CDK13: variants seen among roughly 807,000 people sequenced by gnomAD.
CDK13 encodes cyclin dependent kinase 13, also known as cyclin-dependent kinase 13.
A neutral mutation model predicts 137.6 loss-of-function variants in CDK13; 40 were observed. The ratio of observed to expected loss-of-function variants is 0.29; its 90% CI spans 0.23 to 0.38. The LOEUF is 0.38. Ranked by LOEUF, CDK13 falls within the 10% of genes least tolerant of loss-of-function variation. The probability of loss-of-function intolerance (pLI) is 1.00; values close to 1 mark genes in which losing one functional copy is unlikely to be tolerated. For missense variants in CDK13, 1,704 were observed against 1,951.8 expected, an observed-to-expected ratio of 0.87 and a Z score of 2.39; for synonymous variants, 869 against 760.1, an observed-to-expected ratio of 1.14 and a Z score of -2.36.
chr7:39,953,791 A>G (rs1343020750), intron 1 of CDK13, among the ~76,000 whole-genome samples: 1 of 152,154 alleles, frequency 6.6e-6, no homozygotes, highest in East Asian at 1.9e-4. Flanking sequence ...AACATTGCTG[A>G]CAGATGGCCA....
intron 12 of CDK13, among the ~76,000 whole-genome samples, chr7:40,090,113 A>G (rs749432280): frequency 6.6e-6 from 1 of 152,216 alleles, no homozygotes; most frequent in East Asian, 1.9e-4. Context: ...TGGCAATAAC[A>G]GAAATTTTGG....
rs1396835854 is a variant in CDK13 at position 40,099,194 on chromosome 7, T to A, written c.*4214T>A. 2 of 152,058 alleles carry A rather than the reference T, an allele frequency of 1.3e-5. No individual in the cohort carries two copies. The highest frequency in any genetic ancestry group is 2.9e-5 in the Non-Finnish European group (2 of 68,000). 9.4% of individuals were successfully genotyped at this position (152,058 alleles called of 1,614,324 possible). A position where few individuals can be genotyped will look rare whatever the true frequency, so the allele number is the denominator to read the frequency against. On this transcript the variant is annotated 3_prime_UTR_variant, in exon 14 of 14. Transcript: ENST00000181839. ...TTTCTTAAATGTTTCTACTTAAAAA[T>A]AAAAGCTATTAATAATAAGCTGTCA...
rs567872441 is a variant in CDK13, at chr7:39,973,272, G to C, written c.1212-14327G>C. 2.2e-3 allele frequency among the ~76,000 whole-genome samples: 337 copies of C among 152,040 alleles called. 2 individuals are homozygous for C. The highest frequency in any genetic ancestry group is 0.014 in the Middle Eastern group (4 of 294). On this transcript the variant is annotated intron_variant, in intron 1 of 13. Transcript: ENST00000181839. ...CTATCTTAGCCTCCTGAGCAGCTGG[G>C]ACCACAGGTACACGCCACCACACCT...
At chr7:40,021,479 G>A (rs561578066) in intron 5 of CDK13, among the ~76,000 whole-genome samples, 1 of 104,574 alleles carries the variant, frequency 9.6e-6, no homozygotes, top group Non-Finnish European at 1.9e-5. Flanking sequence ...CTGGGTGATA[G>A]AGACTGTCTC....
At chr7:40,013,882 G>T (rs1349302176) in intron 5 of CDK13, among the ~76,000 whole-genome samples, 2 of 152,046 alleles carry the variant, frequency 1.3e-5, no homozygotes, top group Non-Finnish European at 2.9e-5. Context: ...GGGTGTCTCT[G>T]TTATAAAAGA....
At chr7:40,008,622 C>T (rs1474514767) in intron 5 of CDK13, among the ~76,000 whole-genome samples, 1 of 152,160 alleles carries the variant, frequency 6.6e-6, no homozygotes, top group African/African-American at 2.4e-5. Context: ...GGAACCTACC[C>T]AATAAGTCAG....
chr7:39,965,286 T>G (rs2116156542), intron 1 of CDK13, among the ~76,000 whole-genome samples: 1 of 152,346 alleles, frequency 6.6e-6, no homozygotes, highest in South Asian at 2.1e-4. Context: ...AGGACTTGCT[T>G]TATAAATCTG....
Position 39,950,345 on chromosome 7 carries a change from A to T in CDK13, c.-297A>T. 1.7e-6 allele frequency: 2 copies of T among 1,166,792 alleles called. No homozygotes were observed. Among genetic ancestry groups the T allele is most frequent in the Non-Finnish European group, 2.1e-6 (2 of 946,750 alleles). The allele number at this position is 1,166,792 out of a possible 1,614,324, so 72.3% of individuals were successfully genotyped here. A position where few individuals can be genotyped will look rare whatever the true frequency, so the allele number is the denominator to read the frequency against. ...CTTGGAGGACTCGGGACTCCCCCGC[A>T]GGTCAGCGCCCGGCGCATCTGGTGT... On this transcript the variant is annotated 5_prime_UTR_variant, in exon 1 of 14. Coordinates refer to ENST00000181839, the MANE Select transcript of CDK13 (RefSeq NM_003718.5).
At position 40,097,266 on chromosome 7, in the gene CDK13, C is replaced by T. The variant is rs374296058; in HGVS notation, c.*2286C>T. On this transcript the variant is annotated 3_prime_UTR_variant, in exon 14 of 14. Coordinates refer to ENST00000181839, the MANE Select transcript of CDK13 (RefSeq NM_003718.5). ...TAGAACTTCTAATATTATCCTTACACAGCACTACTGTGAGACATACTAGTC... is the reference window on the plus strand; with the variant it reads ...TAGAACTTCTAATATTATCCTTACATAGCACTACTGTGAGACATACTAGTC... 2.4e-3 allele frequency: 370 copies of T among 152,124 alleles called. No homozygotes were observed. The highest frequency in any genetic ancestry group is 8.5e-3 in the African/African-American group (354 of 41,508). The allele number at this position is 152,124 out of a possible 1,614,324, so 9.4% of individuals were successfully genotyped here. A position where few individuals can be genotyped will look rare whatever the true frequency, so the allele number is the denominator to read the frequency against.
chr7:39,960,007 G>A (rs1013340293), intron 1 of CDK13, among the ~76,000 whole-genome samples: 1 of 151,586 alleles, frequency 6.6e-6, no homozygotes, highest in African/African-American at 2.4e-5. Flanking sequence ...CAGGTACCTA[G>A]TGTCAAACTT....
At position 40,097,824 on chromosome 7, in the gene CDK13, A is replaced by G. The variant is rs1413608774; in HGVS notation, c.*2844A>G. On this transcript the variant is annotated 3_prime_UTR_variant, in exon 14 of 14. Coordinates refer to ENST00000181839, the MANE Select transcript of CDK13 (RefSeq NM_003718.5). ...AAAATGCCAATTTTAAGGAGTTGTC[A>G]TTTGTGGAATGTGAAATAAGGTAAT... The G allele has an allele frequency of 6.6e-6, 1 of 152,100 alleles. No homozygotes were observed. Among genetic ancestry groups the G allele is most frequent in the African/African-American group, 2.4e-5 (1 of 41,444 alleles). The allele number at this position is 152,100 out of a possible 1,614,324, so 9.4% of individuals were successfully genotyped here.
At position 40,027,529 on chromosome 7, in the gene CDK13, C is replaced by G. The variant is rs147574769; in HGVS notation, c.2354-18307C>G. Among the ~76,000 whole-genome samples the G allele has an allele frequency of 2.1e-4, 32 of 152,278 alleles. No homozygotes were observed. The East Asian group carries it at 6.0e-3, about 28-fold the overall frequency. ...CAATAGCCACATGTTAAGACTAAAG[C>G]CTTCCGAATGGACAACTTAGTTCTA... On this transcript the variant is annotated intron_variant, in intron 5 of 13. Transcript: ENST00000181839.
intron 9 of CDK13, chr7:40,073,100 CAATG>C (rs576535013): frequency 3.2e-4 from 48 of 152,252 alleles, no homozygotes; most frequent in African/African-American, 1.1e-3. Flanking sequence ...CAGGGCTAAA[CAATG>C]AATGTGCTCC....
At position 39,987,628 on chromosome 7, in the gene CDK13, C is replaced by T. The variant is rs781568114; in HGVS notation, c.1241C>T (p.Pro414Leu). ...TCTGGAAAATCCCGAAGCAGAAGCC[C>T]GTATTCATCTAGGCATTCAAGATCT... Reference protein sequence around the residue: ...RRSGKSRSRSPYSSRHSRSRS... With the variant: ...RRSGKSRSRSLYSSRHSRSRS... The change falls in exon 2 of 14, where the codon CCG becomes CTG. Residue 414 changes from proline to leucine, a missense_variant. Physicochemically the swap from Pro to Leu is moderately conservative, Grantham distance 98 (BLOSUM62 -3). Around this residue, in one of 5 missense-constraint regions of CDK13, gnomAD observed 1,051 missense variants for 931.0 expected, o/e 1.13. Transcript: ENST00000181839. 5.6e-6 allele frequency: 9 copies of T among 1,603,610 alleles called. No homozygotes were observed. The highest frequency in any genetic ancestry group is 1.1e-5 in the South Asian group (1 of 88,508).
intron 7 of CDK13, chr7:40,061,232 TTAA>T (rs1459582791): frequency 6.6e-6 from 1 of 152,200 alleles, no homozygotes; most frequent in South Asian, 2.1e-4. Context: ...GAAAAGTACA[TTAA>T]TAATGTTAGA....
chr7:39,958,304 A>G (rs1183388306), intron 1 of CDK13, among the ~76,000 whole-genome samples: 4 of 152,184 alleles, frequency 2.6e-5, no homozygotes, highest in African/African-American at 9.7e-5. Context: ...CAATTTACCT[A>G]ACATTAAATT....
In CDK13 at chr7:40,031,561, C is replaced by G. The variant is rs145640178; in HGVS notation, c.2354-14275C>G. Among the ~76,000 whole-genome samples, 663 of 152,148 alleles carry G rather than the reference C, an allele frequency of 4.4e-3. 2 individuals are homozygous for G. Among genetic ancestry groups the G allele is most frequent in the African/African-American group, 0.015 (613 of 41,540 alleles). ...AAATATGATATTAAGCATTTTTTCACTTGCTTATTTGCCATTGGTATATCA... is the reference window on the plus strand; with the variant it reads ...AAATATGATATTAAGCATTTTTTCAGTTGCTTATTTGCCATTGGTATATCA... On this transcript the variant is annotated intron_variant, in intron 5 of 13. Transcript: ENST00000181839.
chr7:40,084,808 A>T (rs1562766222), intron 11 of CDK13, among the ~76,000 whole-genome samples: 1 of 152,206 alleles, frequency 6.6e-6, no homozygotes, highest in Non-Finnish European at 1.5e-5. Context: ...CCCATGAGGT[A>T]GATAGTATTG....
chr7:40,075,251 G>A (rs1786520305), intron 9 of CDK13, among the ~76,000 whole-genome samples: 1 of 152,174 alleles, frequency 6.6e-6, no homozygotes, highest in African/African-American at 2.4e-5. Context: ...CATCTCAGTA[G>A]TAAATGGTGT....
Sources: allele counts gnomAD v4.1 joint callset (sites outside exome capture counted in the v4.1 genomes callset), GRCh38; gene constraint gnomAD v4.1.1; regional missense constraint gnomAD v4.1.1; transcripts MANE v1.5; gene names NCBI Gene and HGNC (gene_info 2026-07-23, HGNC 2026-07-21).